VAV2: variants seen among roughly 807,000 people sequenced by gnomAD.
The protein encoded by VAV2 is guanine nucleotide exchange factor VAV2.
Under a neutral mutation model 132.5 loss-of-function variants are expected in VAV2, and 67 were observed. That is an observed-to-expected ratio of 0.51 (90% CI 0.42 to 0.62). The LOEUF (loss-of-function observed/expected upper bound fraction) is 0.62, where lower values mean the gene tolerates loss of function less well. Among genes scored for constraint, VAV2 ranks in the 20% least tolerant of loss-of-function variants. The pLI, the probability that VAV2 is intolerant of heterozygous loss-of-function variation, is 0.00. For synonymous variants in VAV2, 492 were observed against 443.5 expected (o/e 1.11, Z -1.37); for missense variants, 938 against 1,153.6 (o/e 0.81, Z 2.71).
At chr9:133,868,656 G>A (rs1837904673) in intron 2 of VAV2, among the ~76,000 whole-genome samples, 1 of 152,252 alleles carries the variant, frequency 6.6e-6, no homozygotes, top group Non-Finnish European at 1.5e-5. Context: ...CCAGAAGCGT[G>A]CATGTTTGTT....
chr9:133,912,359 C>T lies in VAV2; in HGVS notation c.321+26744G>A, dbSNP rs1332688657. Among the ~76,000 whole-genome samples, 3 of 152,186 alleles carry T rather than the reference C, an allele frequency of 2.0e-5. No individual in the cohort carries two copies. Among genetic ancestry groups the T allele is most frequent in the South Asian group, 2.1e-4 (1 of 4,834 alleles). The stretch of plus-strand genomic sequence containing the variant: ...CCCGGGCTGAACACGAGGCTATGTC[C>T]GTCCAAATCCCCACAGTCCTGCCAC... On this transcript the variant is annotated intron_variant, in intron 2 of 29. Transcript: ENST00000371850. This position sits in a 1 kb window ranked among gnomAD's most constrained non-coding sequence, Gnocchi z 4.3.
rs754663111 is a variant in VAV2 at position 133,763,974 on chromosome 9, C to T, written c.*88G>A. 1.8e-5 allele frequency: 27 copies of T among 1,519,892 alleles called. No homozygotes were observed. The highest frequency in any genetic ancestry group is 2.4e-5 in the Non-Finnish European group (26 of 1,096,322). 94.2% of individuals were successfully genotyped at this position (1,519,892 alleles called of 1,614,324 possible). On this transcript the variant is annotated 3_prime_UTR_variant, in exon 30 of 30. Coordinates refer to ENST00000371850, the MANE Select transcript of VAV2 (RefSeq NM_001134398.2). The surrounding 1 kb of genome is among the most constrained non-coding windows in gnomAD (Gnocchi z 6.8). The stretch of plus-strand genomic sequence containing the variant: ...GAAGACTGGGAGGTTGGTATTTCCC[C>T]TCTGAGTCACAGAGGAGCTAGAGAC...
At chr9:133,839,928 G>A (rs1022693236) in intron 3 of VAV2, among the ~76,000 whole-genome samples, 6 of 152,174 alleles carry the variant, frequency 3.9e-5, no homozygotes, top group African/African-American at 1.4e-4. Context: ...AAAGCCCAGT[G>A]GGGGTGGGTT....
intron 1 of VAV2, among the ~76,000 whole-genome samples, chr9:133,967,868 G>A (rs533695242): frequency 2.0e-5 from 3 of 147,422 alleles, no homozygotes; most frequent in African/African-American, 7.5e-5. Context: ...ACGAGGTGGA[G>A]GTCGCAGTGA....
In VAV2 at chr9:133,863,110, T is replaced by C. The variant is rs962792588; in HGVS notation, c.322-1678A>G. ...TCACAAGTAATGAGGAACTTGGCTCTGGAGTGTTTTTGGCTTTTAAGAGCT... is the reference window on the plus strand; with the variant it reads ...TCACAAGTAATGAGGAACTTGGCTCCGGAGTGTTTTTGGCTTTTAAGAGCT... On this transcript the variant is annotated intron_variant, in intron 2 of 29. Transcript: ENST00000371850. The surrounding 1 kb of genome is among the most constrained non-coding windows in gnomAD (Gnocchi z 5.0). 1.3e-5 allele frequency among the ~76,000 whole-genome samples: 2 copies of C among 152,242 alleles called. No homozygotes were observed. Among genetic ancestry groups the C allele is most frequent in the Non-Finnish European group, 2.9e-5 (2 of 68,044 alleles).
chr9:133,787,368 A>G (rs2131608798), intron 15 of VAV2, 108 bp from the exon 16 acceptor site: 6 of 1,300,192 alleles, frequency 4.6e-6, no homozygotes, highest in Non-Finnish European at 6.1e-6. Context: ...TGGCAGGTGG[A>G]ACACCCCCCA....
chr9:133,898,302 T>C (rs1042015293), intron 2 of VAV2, among the ~76,000 whole-genome samples: 6 of 151,862 alleles, frequency 4.0e-5, no homozygotes, highest in African/African-American at 1.2e-4. Flanking sequence ...GAAAGAGACT[T>C]TTTAGGGCGG....
chr9:133,877,660 C>G (rs956477176), intron 2 of VAV2, among the ~76,000 whole-genome samples: 4 of 152,154 alleles, frequency 2.6e-5, no homozygotes, highest in African/African-American at 9.7e-5. Context: ...CACCCCAGAA[C>G]CCCCCTCTCA....
intron 3 of VAV2, among the ~76,000 whole-genome samples, chr9:133,852,855 G>T (rs1837239053): frequency 6.6e-6 from 1 of 152,046 alleles, no homozygotes; most frequent in Non-Finnish European, 1.5e-5. Flanking sequence ...TGGGGGCACA[G>T]CCCCTGCTGA....
chr9:133,808,675 G>A (rs1835246217), intron 7 of VAV2, among the ~76,000 whole-genome samples: 1 of 152,248 alleles, frequency 6.6e-6, no homozygotes, highest in Admixed American at 6.5e-5. Flanking sequence ...CAGATGGGGA[G>A]GCTGAGTGTG....
rs747897652 is a variant in VAV2 at position 133,791,873 on chromosome 9, G to C, written c.1102-4C>G. ...CATTGATGTACATCGCCAAGTCCTT[G>C]AAAACAAGAGGCAGAGGTGAGCGGG... is the stretch of plus-strand genomic sequence containing the variant. On this transcript the variant is annotated splice_region_variant and splice_polypyrimidine_tract_variant and intron_variant, in intron 12 of 29. Transcript: ENST00000371850. 1.0e-5 allele frequency: 16 copies of C among 1,582,476 alleles called. No individual in the cohort carries two copies. Among genetic ancestry groups the C allele is most frequent in the Admixed American group, 3.5e-5 (2 of 56,564 alleles).
chr9:133,764,187 A>AG, intron 29 of VAV2, 78 bp from the exon 30 acceptor site: 1 of 1,579,574 alleles, frequency 6.3e-7, no homozygotes, highest in Non-Finnish European at 8.7e-7. Context: ...TGTTGGGGTG[A>AG]GGGCAAGTAG....
Position 133,769,373 on chromosome 9 carries a change from C to T in VAV2, c.2434+44G>A. 1.3e-6 allele frequency: 2 copies of T among 1,568,646 alleles called. No individual in the cohort carries two copies. The highest frequency in any genetic ancestry group is 2.3e-5 in the East Asian group (1 of 43,180). On this transcript the variant is annotated intron_variant, in intron 28 of 29. Coordinates refer to ENST00000371850, the MANE Select transcript of VAV2 (RefSeq NM_001134398.2). The surrounding 1 kb of genome is among the most constrained non-coding windows in gnomAD (Gnocchi z 8.1). ...CTCCGTGCTGGGTCTCCCAAGGCAG[C>T]TGCCACAGGCCCGGTCCCCCCACGC... is the stretch of plus-strand genomic sequence containing the variant.
Position 133,834,723 on chromosome 9 carries a change from G to A in VAV2, c.381-383C>T, listed in dbSNP as rs1836397293. Among the ~76,000 whole-genome samples the A allele has an allele frequency of 1.3e-5, 2 of 152,296 alleles. No individual in the cohort carries two copies. The highest frequency in any genetic ancestry group is 2.1e-4 in the South Asian group (1 of 4,834). ...GTTCACAGTGGAGATGAGGCTCCTC[G>A]CACACCTCCTGGTGGGCAGGTGGGA... is the stretch of plus-strand genomic sequence containing the variant. On this transcript the variant is annotated intron_variant, in intron 3 of 29. Transcript: ENST00000371850. The surrounding 1 kb of genome is among the most constrained non-coding windows in gnomAD (Gnocchi z 5.9).
chr9:133,975,918 C>T lies in VAV2; in HGVS notation c.204+16157G>A, dbSNP rs574763480. Among the ~76,000 whole-genome samples the T allele has an allele frequency of 2.0e-5, 3 of 152,252 alleles. No individual in the cohort carries two copies. In the South Asian group the frequency reaches 6.2e-4, roughly 32 times the overall value. ...GGGACTTTTAAAAATGCTATGTTGG[C>T]CAGGCGCCATGGCTCACACCTGTAA... On this transcript the variant is annotated intron_variant, in intron 1 of 29. Coordinates refer to ENST00000371850, the MANE Select transcript of VAV2 (RefSeq NM_001134398.2).
intron 2 of VAV2, among the ~76,000 whole-genome samples, chr9:133,894,048 A>G (rs926506592): frequency 1.3e-5 from 2 of 152,156 alleles, no homozygotes; most frequent in African/African-American, 4.8e-5. Context: ...CCCACAGCCC[A>G]TGGCTGAGAA....
rs1836671073 is a variant in VAV2, at chr9:133,840,333, C to A, written c.381-5993G>T. Among the ~76,000 whole-genome samples, 1 of 152,138 alleles carries A rather than the reference C, an allele frequency of 6.6e-6. No individual in the cohort carries two copies. The highest frequency in any genetic ancestry group is 6.5e-5 in the Admixed American group (1 of 15,278). On this transcript the variant is annotated intron_variant, in intron 3 of 29. Coordinates refer to ENST00000371850, the MANE Select transcript of VAV2 (RefSeq NM_001134398.2). The surrounding 1 kb of genome is among the most constrained non-coding windows in gnomAD (Gnocchi z 4.5). The stretch of plus-strand genomic sequence containing the variant: ...CCCCAAGTGCTGAGTGCAGAGAAAT[C>A]CCCAGCAGAGCCCGCGTTGGGCAGC...
At chr9:133,972,110 A>C (rs1296411914) in intron 1 of VAV2, among the ~76,000 whole-genome samples, 2 of 151,828 alleles carry the variant, frequency 1.3e-5, no homozygotes, top group Non-Finnish European at 1.5e-5. Context: ...ACCCACACAC[A>C]CCCCAAAGTC....
intron 1 of VAV2, among the ~76,000 whole-genome samples, chr9:133,950,836 C>T (rs1035923017): frequency 8.5e-5 from 13 of 152,106 alleles, no homozygotes; most frequent in Admixed American, 2.6e-4. Flanking sequence ...TTCCCCCTTC[C>T]GGAAAGCGGC....
Sources: gnomAD v4.1 joint callset for allele counts (sites outside exome capture counted in the v4.1 genomes callset) on GRCh38, gnomAD v4.1.1 for gene constraint, Gnocchi (gnomAD v3.1) non-coding constraint, MANE v1.5 for transcripts, NCBI Gene and HGNC (gene_info 2026-07-23, HGNC 2026-07-21) for gene names.